SIRPG: variants seen among roughly 807,000 people sequenced by gnomAD.
SIRPG encodes the protein signal-regulatory protein gamma.
A neutral mutation model predicts 35.7 loss-of-function variants in SIRPG; 38 were observed. The ratio of observed to expected loss-of-function variants is 1.06; its 90% CI spans 0.82 to 1.40. The LOEUF (loss-of-function observed/expected upper bound fraction) is 1.40, where lower values mean the gene tolerates loss of function less well. SIRPG is among the 40% of genes most tolerant of loss of function. The pLI is 0.00. For synonymous variants in SIRPG, 215 were observed against 190.4 expected (o/e 1.13, Z -1.06); for missense variants, 519 against 483.0 (o/e 1.07, Z -0.70).
chr20:1,676,553 G>A, the SIRPG span: 1 of 152,576 alleles, frequency 6.6e-6, no homozygotes, highest in Non-Finnish European at 1.5e-5. Context: ...GGGCTTTAGT[G>A]TCTGAATGTG....
the SIRPG span, among the ~76,000 whole-genome samples, chr20:1,685,888 G>C: frequency 6.6e-6 from 1 of 152,102 alleles, no homozygotes; most frequent in Non-Finnish European, 1.5e-5. Context: ...ACCCTGTCAG[G>C]CTGTCTCTCA....
chr20:1,649,708 C>G (rs1172196240), intron 1 of SIRPG, among the ~76,000 whole-genome samples: 1 of 136,024 alleles, frequency 7.4e-6, no homozygotes, highest in African/African-American at 2.8e-5. Context: ...ATAATCATGG[C>G]TCACGGCAAC....
At chr20:1,636,735 G>C (rs946211570) in intron 2 of SIRPG, among the ~76,000 whole-genome samples, 21 of 151,398 alleles carry the variant, frequency 1.4e-4, no homozygotes, top group African/African-American at 4.6e-4. Context: ...GGAAGTCCAG[G>C]TCTGAGTTCA....
rs370231533 is a variant in SIRPG, at chr20:1,635,575, T to A, written c.773A>T (p.Gln258Leu). 1 of 1,614,034 alleles carries A rather than the reference T, an allele frequency of 6.2e-7. No homozygotes were observed. Among genetic ancestry groups the A allele is most frequent in the Non-Finnish European group, 8.5e-7 (1 of 1,180,000 alleles). ...IRVPPTLEVT[Q>L]QPMRVGNQVN... ...CTGGTTCCCCACCCTCATGGGCTGTTGAGTAACCTCCAAGGTGGGTGGAAC... is the reference window on the plus strand; with the variant it reads ...CTGGTTCCCCACCCTCATGGGCTGTAGAGTAACCTCCAAGGTGGGTGGAAC... The change falls in exon 4 of 6, where the codon CAA becomes CTA. Residue 258 changes from glutamine to leucine, a missense_variant. Gln to Leu is a moderately radical substitution (Grantham distance 113). Transcript: ENST00000303415.
At chr20:1,640,938 C>T (rs6079928) in intron 2 of SIRPG, among the ~76,000 whole-genome samples, 1 of 152,164 alleles carries the variant, frequency 6.6e-6, no homozygotes, top group Non-Finnish European at 1.5e-5. Context: ...TTGAACAAGC[C>T]TTGCATGCCA....
chr20:1,681,151 G>GA, the SIRPG span, among the ~76,000 whole-genome samples: 4 of 145,304 alleles, frequency 2.8e-5, no homozygotes, highest in Non-Finnish European at 6.1e-5. Flanking sequence ...AGTTGGTGAA[G>GA]AAAAAATCAA....
chr20:1,661,952 A>G (rs918034515), upstream of SIRPG, among the ~76,000 whole-genome samples: 6 of 152,158 alleles, frequency 3.9e-5, no homozygotes, highest in African/African-American at 7.2e-5. Flanking sequence ...TGAGCTTGCA[A>G]TTTCAGAGAC....
chr20:1,641,799 T>A (rs981548829), intron 2 of SIRPG, among the ~76,000 whole-genome samples: 1 of 152,232 alleles, frequency 6.6e-6, no homozygotes, highest in Admixed American at 6.5e-5. Flanking sequence ...GTCTCTTTGT[T>A]CTTATTGGTT....
the SIRPG span, among the ~76,000 whole-genome samples, chr20:1,665,744 G>A: frequency 6.6e-6 from 1 of 152,122 alleles, no homozygotes; most frequent in Admixed American, 6.5e-5. Flanking sequence ...TTCCCTTATT[G>A]AAGGTTAGGT....
rs375060745 is a variant in SIRPG at position 1,649,380 on chromosome 20, C to T, written c.102G>A (p.Met34Ile). The change falls in exon 2 of 6, where the codon ATG becomes ATA. Residue 34 changes from methionine to isoleucine, a missense_variant. Met to Ile is a conservative substitution (Grantham distance 10). Coordinates refer to ENST00000303415, the MANE Select transcript of SIRPG (RefSeq NM_018556.4). ...CCAACAGGAGCTTCTCAGGCTGAATCATCTGTAGCTCCTCCTCACCTGCCA... is the reference window on the plus strand; with the variant it reads ...CCAACAGGAGCTTCTCAGGCTGAATTATCTGTAGCTCCTCCTCACCTGCCA... Reference protein sequence around the residue: ...TEVAGEEELQMIQPEKLLLVT... With the variant: ...TEVAGEEELQIIQPEKLLLVT... 9.9e-6 allele frequency: 16 copies of T among 1,611,134 alleles called. No individual in the cohort carries two copies. Among genetic ancestry groups the T allele is most frequent in the Admixed American group, 1.7e-5 (1 of 59,896 alleles).
chr20:1,673,341 T>G, the SIRPG span, among the ~76,000 whole-genome samples: 3 of 152,128 alleles, frequency 2.0e-5, no homozygotes, highest in African/African-American at 7.2e-5. Context: ...GGTCCTAATG[T>G]GAGCCCCTTT....
the SIRPG span, among the ~76,000 whole-genome samples, chr20:1,686,307 G>C: frequency 8.7e-4 from 132 of 152,204 alleles, 1 homozygote; most frequent in Middle Eastern, 3.4e-3. Context: ...AGAGAGAAAG[G>C]GTTCTAGCCC....
intron 4 of SIRPG, chr20:1,633,366 A>C (rs2091766195): frequency 6.6e-6 from 1 of 152,282 alleles, no homozygotes; most frequent in South Asian, 2.1e-4. Context: ...GTCATAAAAG[A>C]AATTTGAGGA....
At chr20:1,676,993 G>C in the SIRPG span, 2 of 152,786 alleles carry the variant, frequency 1.3e-5, no homozygotes, top group African/African-American at 4.8e-5. Flanking sequence ...CAGGAGCAGA[G>C]CTTGAGCTCA....
intron 2 of SIRPG, 53 bp from the exon 3 acceptor site, chr20:1,636,558 A>C (rs74181594): frequency 6.4e-7 from 1 of 1,569,448 alleles, no homozygotes; most frequent in South Asian, 1.1e-5. Context: ...ACAATCACTA[A>C]CGATGAGTGT....
intron 1 of SIRPG, among the ~76,000 whole-genome samples, chr20:1,652,204 C>CA (rs1568738183): frequency 6.6e-6 from 1 of 152,148 alleles, no homozygotes; most frequent in South Asian, 2.1e-4. Context: ...TTCATTCTAA[C>CA]AAAAAATGAC....
chr20:1,685,299 C>T, the SIRPG span, among the ~76,000 whole-genome samples: 9 of 152,290 alleles, frequency 5.9e-5, no homozygotes, highest in South Asian at 1.4e-3. Context: ...GTTGAAGCCC[C>T]AGTCCCCAGA....
In SIRPG at chr20:1,649,629, C is replaced by CTTTTTTTTT. The variant is rs35561366; in HGVS notation, c.74-230_74-222dup. Among the ~76,000 whole-genome samples, 74 of 75,784 alleles carry CTTTTTTTTT rather than the reference C, an allele frequency of 9.8e-4. 4 individuals carry two copies. Among genetic ancestry groups the CTTTTTTTTT allele is most frequent in the African/African-American group, 3.9e-3 (68 of 17,510 alleles). 49.7% of individuals were successfully genotyped at this position (75,784 alleles called of 152,430 possible). On this transcript the variant is annotated intron_variant, in intron 1 of 5. Coordinates refer to ENST00000303415, the MANE Select transcript of SIRPG (RefSeq NM_018556.4). ...CTGAGGCCTGAGGCACAGAGAGGTT[C>CTTTTTTTTT]TTTTTTTTTTTTTTTTTTTTTTTTT...
At chr20:1,678,105 C>T in the SIRPG span, among the ~76,000 whole-genome samples, 1 of 152,134 alleles carries the variant, frequency 6.6e-6, no homozygotes, top group Non-Finnish European at 1.5e-5. Context: ...TTTGCCTTTA[C>T]TAATTCTGGA....
Sources: allele counts gnomAD v4.1 joint callset (sites outside exome capture counted in the v4.1 genomes callset), GRCh38; gene constraint gnomAD v4.1.1; transcripts MANE v1.5; gene names NCBI Gene and HGNC (gene_info 2026-07-23, HGNC 2026-07-21).